Variants in OSBPL1A observed in about 807,000 individuals in gnomAD.
OSBPL1A encodes oxysterol-binding protein-related protein 1.
A neutral mutation model predicts 137.1 loss-of-function variants in OSBPL1A; 80 were observed. That is an observed-to-expected ratio of 0.58 (90% CI 0.49 to 0.70). OSBPL1A has a LOEUF of 0.70. Ranked by LOEUF, OSBPL1A falls within the 30% of genes least tolerant of loss-of-function variation. The pLI, the probability that OSBPL1A is intolerant of heterozygous loss-of-function variation, is 0.00. For missense variants in OSBPL1A, 970 were observed against 1,129.4 expected (o/e 0.86, Z 2.02); for synonymous variants, 365 against 389.7 (o/e 0.94, Z 0.75).
intron 5 of OSBPL1A, among the ~76,000 whole-genome samples, chr18:24,339,957 G>T (rs2091245986): frequency 6.6e-6 from 1 of 151,958 alleles, no homozygotes; most frequent in Non-Finnish European, 1.5e-5. Flanking sequence ...GCAGGATCTT[G>T]GTTTTTACAT....
At position 24,239,201 on chromosome 18, in the gene OSBPL1A, G is replaced by A. The variant is rs1805905609; in HGVS notation, c.1444+19C>T. 1 of 1,610,982 alleles carries A rather than the reference G, an allele frequency of 6.2e-7. No homozygotes were observed. The highest frequency in any genetic ancestry group is 1.3e-5 in the African/African-American group (1 of 74,816). On this transcript the variant is annotated intron_variant, in intron 16 of 27. Transcript: ENST00000319481. ...ACTCTAAATCACCAACAATGCAGAG[G>A]GAAGGATCCCAGAGTTACCTGACAG...
chr18:24,197,651 G>C (rs1030759199), intron 17 of OSBPL1A, among the ~76,000 whole-genome samples: 7 of 151,992 alleles, frequency 4.6e-5, no homozygotes, highest in African/African-American at 1.7e-4. Context: ...CACTATCCAA[G>C]ACTATCAATC....
At chr18:24,192,333 TAA>T in intron 18 of OSBPL1A, among the ~76,000 whole-genome samples, 1 of 152,062 alleles carries the variant, frequency 6.6e-6, no homozygotes, top group South Asian at 2.1e-4. Context: ...GCTTTCGGAT[TAA>T]AGAGTCCTGT....
chr18:24,199,366 C>T (rs1403901962), intron 17 of OSBPL1A, among the ~76,000 whole-genome samples: 2 of 152,202 alleles, frequency 1.3e-5, no homozygotes, highest in African/African-American at 2.4e-5. Context: ...GGAGTAATAA[C>T]ATCCTTGCCC....
At chr18:24,346,621 T>C (rs1296068507) in intron 4 of OSBPL1A, among the ~76,000 whole-genome samples, 1 of 152,244 alleles carries the variant, frequency 6.6e-6, no homozygotes, top group African/African-American at 2.4e-5. Context: ...GGTTCATTTA[T>C]GTTTTGGTGT....
At chr18:24,253,163 A>AT (rs1281020775) in intron 15 of OSBPL1A, among the ~76,000 whole-genome samples, 8 of 23,180 alleles carry the variant, frequency 3.5e-4, no homozygotes, top group Admixed American at 5.5e-4. Flanking sequence ...ATGAAAAGAC[A>AT]TGGCGGGGGG....
chr18:24,383,285 A>C (rs369662923), intron 1 of OSBPL1A, among the ~76,000 whole-genome samples: 7 of 152,352 alleles, frequency 4.6e-5, no homozygotes, highest in Admixed American at 3.3e-4. Flanking sequence ...ATATTACACA[A>C]AAGGTTTAAT....
At position 24,224,574 on chromosome 18, in the gene OSBPL1A, C is replaced by T. The variant is rs553631405; in HGVS notation, c.1601+468G>A. 2.0e-5 allele frequency among the ~76,000 whole-genome samples: 3 copies of T among 152,256 alleles called. No individual in the cohort carries two copies. The East Asian group carries it at 5.8e-4, about 29-fold the overall frequency. On this transcript the variant is annotated intron_variant, in intron 17 of 27. Transcript: ENST00000319481. ...GACAGTATAAAATGGGTATGTTCAG[C>T]AAGTCCTGGGTCTTAATAAAAGTCT...
At chr18:24,300,544 G>A (rs1208275823) in intron 14 of OSBPL1A, among the ~76,000 whole-genome samples, 1 of 152,220 alleles carries the variant, frequency 6.6e-6, no homozygotes, top group African/African-American at 2.4e-5. Flanking sequence ...AGGATGGAAT[G>A]CAGGGAGAGT....
intron 17 of OSBPL1A, among the ~76,000 whole-genome samples, chr18:24,212,489 T>C (rs1011162969): frequency 6.6e-6 from 1 of 152,212 alleles, no homozygotes; most frequent in Non-Finnish European, 1.5e-5. Flanking sequence ...AACATACTCA[T>C]CTTTAGTAGT....
At chr18:24,298,751 T>A (rs1289737366) in intron 14 of OSBPL1A, among the ~76,000 whole-genome samples, 1 of 152,222 alleles carries the variant, frequency 6.6e-6, no homozygotes, top group Admixed American at 6.5e-5. Context: ...CAGTCCATTG[T>A]TCCACAGTGT....
chr18:24,318,533 T>C (rs1377782547), intron 9 of OSBPL1A, 68 bp downstream of exon 9: 2 of 1,337,880 alleles, frequency 1.5e-6, no homozygotes, highest in Admixed American at 4.3e-5. Context: ...TTAAAAGTTT[T>C]AAACAGAAAT....
intron 14 of OSBPL1A, among the ~76,000 whole-genome samples, chr18:24,285,355 C>T (rs1374007607): frequency 6.6e-6 from 1 of 152,106 alleles, no homozygotes; most frequent in Non-Finnish European, 1.5e-5. Context: ...CAAATGGCTT[C>T]ACTTATTATA....
chr18:24,304,485 G>C (rs1395369603), intron 13 of OSBPL1A, among the ~76,000 whole-genome samples: 1 of 151,996 alleles, frequency 6.6e-6, no homozygotes, highest in Non-Finnish European at 1.5e-5. Context: ...TAAAGAGGTG[G>C]GAAGAATAAG....
chr18:24,316,247 C>T (rs185039475), intron 11 of OSBPL1A, among the ~76,000 whole-genome samples: 57 of 151,858 alleles, frequency 3.8e-4, no homozygotes, highest in African/African-American at 1.3e-3. Flanking sequence ...GGAGACAGAG[C>T]GAGATTCCAT....
At chr18:24,318,954 G>C (rs2090792265) in intron 7 of OSBPL1A, 145 bp from the exon 8 acceptor site, 1 of 697,564 alleles carries the variant, frequency 1.4e-6, no homozygotes, top group Non-Finnish European at 2.4e-6. Context: ...CCAGAGAGAG[G>C]TTGCCATCTC....
chr18:24,330,834 T>TG (rs900294591), intron 7 of OSBPL1A, among the ~76,000 whole-genome samples: 1 of 150,348 alleles, frequency 6.7e-6, no homozygotes, highest in African/African-American at 2.5e-5. Context: ...CTCACTCTGT[T>TG]GCCAGGCTGG....
chr18:24,225,147 G>A lies in OSBPL1A; in HGVS notation c.1496C>T (p.Ser499Phe), dbSNP rs1415152078. ...LSRLEAVTAR[S>F]FEEEGEHLGS... ...CAAATGCTCTCCTTCCTCTTCAAAGGAGCGTGCTGTCACTGCTTCCAATCT... is the reference window on the plus strand; with the variant it reads ...CAAATGCTCTCCTTCCTCTTCAAAGAAGCGTGCTGTCACTGCTTCCAATCT... Residue 499 changes from serine (S) to phenylalanine (F), a missense_variant, in exon 17 of 28, where the codon TCC becomes TTC. Transcript: ENST00000319481. 1.9e-6 allele frequency: 3 copies of A among 1,614,010 alleles called. No homozygotes were observed. The highest frequency in any genetic ancestry group is 2.5e-6 in the Non-Finnish European group (3 of 1,180,010).
intron 17 of OSBPL1A, among the ~76,000 whole-genome samples, chr18:24,217,327 A>C (rs2087737695): frequency 6.9e-6 from 1 of 145,318 alleles, no homozygotes; most frequent in Non-Finnish European, 1.5e-5. Flanking sequence ...GTGTGATCTC[A>C]GCTCATAGCA....
Sources: gnomAD v4.1 joint callset for allele counts (sites outside exome capture counted in the v4.1 genomes callset) on GRCh38, gnomAD v4.1.1 for gene constraint, MANE v1.5 for transcripts, NCBI Gene and HGNC (gene_info 2026-07-23, HGNC 2026-07-21) for gene names.